The following PCCA variants were observed in gnomAD, a reference collection of about 807,000 sequenced individuals.
PCCA encodes propionyl-CoA carboxylase subunit alpha, also known as propionyl-CoA carboxylase alpha chain, mitochondrial.
A neutral mutation model predicts 101.3 loss-of-function variants in PCCA; 74 were observed. That is an observed-to-expected ratio of 0.73 (90% CI 0.61 to 0.89). The LOEUF (loss-of-function observed/expected upper bound fraction) is 0.89. PCCA is among the 40% of genes least tolerant of loss of function. The probability of loss-of-function intolerance (pLI) is 0.00; values close to 1 mark genes in which losing one functional copy is unlikely to be tolerated. For missense variants in PCCA, 891 were observed against 907.0 expected (o/e 0.98, Z 0.23); for synonymous variants, 294 against 313.6 (o/e 0.94, Z 0.66).
Position 100,520,634 on chromosome 13 carries a change from CAAAAA to C in PCCA, c.2040+5086_2040+5090del, listed in dbSNP as rs374566196. 1.0e-4 allele frequency among the ~76,000 whole-genome samples: 7 copies of C among 68,274 alleles called. No individual in the cohort carries two copies. The South Asian group carries it at 1.9e-3, about 19-fold the overall frequency. The allele number at this position is 68,274 out of a possible 152,430, so 44.8% of individuals were successfully genotyped here. A position where few individuals can be genotyped will look rare whatever the true frequency, so the allele number is the denominator to read the frequency against. ...TGGGCGACAGAGCGAGACTCCGTCT[CAAAAA>C]AAAAAAAAAAAAAAAAAAGAGTTGG... On this transcript the variant is annotated intron_variant, in intron 22 of 23. Transcript: ENST00000376285.
At chr13:100,441,981 CCTTTTTT>C (rs1447219026) in intron 20 of PCCA, among the ~76,000 whole-genome samples, 15 of 140,150 alleles carry the variant, frequency 1.1e-4, no homozygotes, top group African/African-American at 3.5e-4. Context: ...TTTTCTTTTT[CCTTTTTT>C]CTTTTTTTTT....
chr13:100,173,846 G>A (rs2055967597), intron 6 of PCCA, among the ~76,000 whole-genome samples: 1 of 152,192 alleles, frequency 6.6e-6, no homozygotes. Flanking sequence ...TCAGTTTCAT[G>A]AAATCTGATG....
chr13:100,345,563 G>T (rs1262834909), intron 18 of PCCA, among the ~76,000 whole-genome samples: 1 of 152,218 alleles, frequency 6.6e-6, no homozygotes. Context: ...ACATAAAAGT[G>T]GAGGGGAAGC....
Position 100,178,796 on chromosome 13 carries a change from G to C in PCCA, c.468+21456G>C, listed in dbSNP as rs1594562453. Among the ~76,000 whole-genome samples, 3 of 151,956 alleles carry C rather than the reference G, an allele frequency of 2.0e-5. No homozygotes were observed. In the East Asian group the frequency reaches 5.8e-4, roughly 29 times the overall value. On this transcript the variant is annotated intron_variant, in intron 6 of 23. Transcript: ENST00000376285. ...TTTTTTTAATTAATTAAAATGTGTG[G>C]GCCGGGCGCGGTGGCTCATGCCTGT... is the stretch of plus-strand genomic sequence containing the variant.
intron 7 of PCCA, among the ~76,000 whole-genome samples, chr13:100,214,310 T>C (rs925136299): frequency 1.3e-5 from 2 of 152,164 alleles, no homozygotes; most frequent in East Asian, 3.8e-4. Flanking sequence ...TTAGGTAGTA[T>C]GGACATTTTA....
chr13:100,519,184 A>AT (rs1415449266), intron 22 of PCCA, among the ~76,000 whole-genome samples: 1 of 152,256 alleles, frequency 6.6e-6, no homozygotes, highest in Non-Finnish European at 1.5e-5. Context: ...AGAAATACTC[A>AT]TTTAATACAC....
intron 22 of PCCA, among the ~76,000 whole-genome samples, chr13:100,521,385 C>G (rs1257960770): frequency 6.6e-6 from 1 of 152,146 alleles, no homozygotes; most frequent in Non-Finnish European, 1.5e-5. Context: ...TGAGGCCGCT[C>G]GTGCATGGGC....
chr13:100,098,307 A>AATG (rs1035585537), intron 1 of PCCA, among the ~76,000 whole-genome samples: 1 of 152,236 alleles, frequency 6.6e-6, no homozygotes, highest in African/African-American at 2.4e-5. Flanking sequence ...AAAATTCACT[A>AATG]ATGAGGTCTT....
At chr13:100,110,159 T>C (rs2048179022) in intron 2 of PCCA, among the ~76,000 whole-genome samples, 1 of 152,012 alleles carries the variant, frequency 6.6e-6, no homozygotes, top group Non-Finnish European at 1.5e-5. Context: ...AACAAACTGC[T>C]CTAGGTTATA....
intron 12 of PCCA, 93 bp downstream of exon 12, chr13:100,273,439 C>CATAAATTGTTTTATAAACATAAAGTGT: frequency 1.0e-6 from 1 of 988,980 alleles, no homozygotes; most frequent in East Asian, 2.5e-5. Flanking sequence ...AAAAAATTAA[C>CATAAATTGTTTTATAAACATAAAGTGT]TCCATAAAGT....
intron 4 of PCCA, among the ~76,000 whole-genome samples, chr13:100,121,893 G>A (rs1356366212): frequency 6.6e-6 from 1 of 152,186 alleles, no homozygotes; most frequent in Non-Finnish European, 1.5e-5. Flanking sequence ...CCAGAACAAT[G>A]TTGAAGAGGT....
chr13:100,431,752 G>C (rs1455598127), intron 20 of PCCA, among the ~76,000 whole-genome samples: 3 of 152,166 alleles, frequency 2.0e-5, no homozygotes, highest in Non-Finnish European at 2.9e-5. Context: ...TGTAGTCCCA[G>C]CTGCGTGGGA....
intron 10 of PCCA, chr13:100,268,474 C>T: frequency 1.6e-6 from 1 of 609,798 alleles, no homozygotes; most frequent in South Asian, 1.8e-5. Flanking sequence ...ACACTTTTTC[C>T]TCAAATCTTT....
intron 21 of PCCA, among the ~76,000 whole-genome samples, chr13:100,511,329 G>C (rs944969897): frequency 1.3e-5 from 2 of 152,182 alleles, no homozygotes; most frequent in Admixed American, 6.5e-5. Context: ...GGGAATATTT[G>C]AGTGTTGCTC....
At chr13:100,439,366 G>A (rs372109677) in intron 20 of PCCA, among the ~76,000 whole-genome samples, 6 of 152,154 alleles carry the variant, frequency 3.9e-5, no homozygotes, top group Middle Eastern at 3.4e-3. Context: ...TTTAAAACGT[G>A]GAATGATTTC....
Position 100,265,826 on chromosome 13 carries a change from A to T in PCCA, c.820-2863A>T, listed in dbSNP as rs567785990. Among the ~76,000 whole-genome samples the T allele has an allele frequency of 4.6e-5, 6 of 130,138 alleles. No homozygotes were observed. In the East Asian group the frequency reaches 1.4e-3, roughly 30 times the overall value. The allele number at this position is 130,138 out of a possible 152,430, so 85.4% of individuals were successfully genotyped here. Reference sequence around the variant, plus strand: ...GTAGACCAGATTTTCTAATAGATGGATGTTATGTACAAGAAAAAAAAATAA... The same window carrying T: ...GTAGACCAGATTTTCTAATAGATGGTTGTTATGTACAAGAAAAAAAAATAA... On this transcript the variant is annotated intron_variant, in intron 10 of 23. Transcript: ENST00000376285.
chr13:100,229,166 T>G (rs2060323682), intron 7 of PCCA, among the ~76,000 whole-genome samples: 1 of 152,128 alleles, frequency 6.6e-6, no homozygotes, highest in African/African-American at 2.4e-5. Flanking sequence ...AAACCTAAAA[T>G]TCAAACTCTG....
intron 8 of PCCA, 47 bp downstream of exon 8, chr13:100,235,925 G>C (rs745915704): frequency 1.6e-6 from 2 of 1,214,212 alleles, no homozygotes; most frequent in Middle Eastern, 3.8e-4. Context: ...TCTTTCAGCA[G>C]ATACGGTTGA....
chr13:100,485,850 A>C (rs2084334162), intron 21 of PCCA, among the ~76,000 whole-genome samples: 1 of 152,194 alleles, frequency 6.6e-6, no homozygotes, highest in Non-Finnish European at 1.5e-5. Flanking sequence ...TAATTTTCCC[A>C]GGGTCACATA....
Sources: gnomAD v4.1 joint callset for allele counts (sites outside exome capture counted in the v4.1 genomes callset) on GRCh38, gnomAD v4.1.1 for gene constraint, MANE v1.5 for transcripts, NCBI Gene and HGNC (gene_info 2026-07-23, HGNC 2026-07-21) for gene names.